The following ZNF519 variants were observed in gnomAD, a reference collection of about 807,000 sequenced individuals.
The protein encoded by ZNF519 is zinc finger protein 519, also known as similar to Zinc finger protein 85 (Zinc finger protein HPF4) (HTF1).
In ZNF519, 7 loss-of-function variants were observed where a neutral mutation model predicts 7.4. That is an observed-to-expected ratio of 0.94 (90% confidence interval 0.54 to 1.77). The LOEUF is 1.77. Ranked by LOEUF, ZNF519 falls within the 40% of genes most tolerant of loss-of-function variation. The pLI, the probability that ZNF519 is intolerant of heterozygous loss-of-function variation, is 0.00. For synonymous variants in ZNF519, 179 were observed against 203.3 expected, an observed-to-expected ratio of 0.88 and a Z score of 1.02; for missense variants, 586 against 623.1, an observed-to-expected ratio of 0.94 and a Z score of 0.63.
intron 2 of ZNF519, among the ~76,000 whole-genome samples, chr18:14,112,052 A>C (rs779455893): frequency 6.6e-6 from 1 of 152,180 alleles, no homozygotes; most frequent in Non-Finnish European, 1.5e-5. Context: ...TATTAAAAAG[A>C]TTATTATAGA....
chr18:14,088,771 T>A (rs1026159304), intron 2 of ZNF519, among the ~76,000 whole-genome samples: 10 of 152,310 alleles, frequency 6.6e-5, no homozygotes, highest in Admixed American at 5.9e-4. Flanking sequence ...TTATTTTAAA[T>A]GTGATTGCAG....
rs1258048291 is a variant in ZNF519, at chr18:14,104,649, C to T, written c.*268G>A. 1.5e-5 allele frequency: 5 copies of T among 324,460 alleles called. No homozygotes were observed. Among genetic ancestry groups the T allele is most frequent in the East Asian group, 5.1e-5 (1 of 19,504 alleles). 20.1% of individuals were successfully genotyped at this position (324,460 alleles called of 1,614,324 possible). On this transcript the variant is annotated 3_prime_UTR_variant, in exon 3 of 3. Coordinates refer to ENST00000590202, the MANE Select transcript of ZNF519 (RefSeq NM_145287.4). ...TATAATTATGCCTCTCCATCAATGTCGTCCCTCTTTTTAAACATACAATTT... is the reference window on the plus strand; with the variant it reads ...TATAATTATGCCTCTCCATCAATGTTGTCCCTCTTTTTAAACATACAATTT...
chr18:14,101,938 T>C lies in ZNF519; in HGVS notation c.*2979A>G, dbSNP rs2046164137. The C allele has an allele frequency of 2.5e-6, 1 of 392,872 alleles. No individual in the cohort carries two copies. The highest frequency in any genetic ancestry group is 2.1e-5 in the African/African-American group (1 of 48,490). The allele number at this position is 392,872 out of a possible 1,614,324, so 24.3% of individuals were successfully genotyped here. ...TCCTAAATGCATGAAAGGCAGAGCT[T>C]TTCAACATGAATAATTTTAAGACAT... On this transcript the variant is annotated 3_prime_UTR_variant, in exon 3 of 3. Coordinates refer to ENST00000590202, the MANE Select transcript of ZNF519 (RefSeq NM_145287.4).
Position 14,104,878 on chromosome 18 carries a change from G to C in ZNF519, c.*39C>G. On this transcript the variant is annotated 3_prime_UTR_variant, in exon 3 of 3. Transcript: ENST00000590202. The stretch of plus-strand genomic sequence containing the variant: ...AATGTTGAGTAAGGTGTGAGCACCA[G>C]TTTAGGGTTTTAGCACATTCTTTAC... 11 of 1,495,704 alleles carry C rather than the reference G, an allele frequency of 7.4e-6. No homozygotes were observed. The highest frequency in any genetic ancestry group is 9.8e-6 in the Non-Finnish European group (11 of 1,122,934). The allele number at this position is 1,495,704 out of a possible 1,614,324, so 92.7% of individuals were successfully genotyped here.
At chr18:14,085,489 C>A (rs1008150115) in intron 2 of ZNF519, among the ~76,000 whole-genome samples, 3 of 152,030 alleles carry the variant, frequency 2.0e-5, no homozygotes, top group African/African-American at 7.3e-5. Flanking sequence ...CTCCAGTGAT[C>A]ATCTCCCCCA....
rs1036734011 is a variant in ZNF519, at chr18:14,104,123, T to C, written c.*794A>G. 8 of 152,314 alleles carry C rather than the reference T, an allele frequency of 5.3e-5. 1 individual carries two copies. Among genetic ancestry groups the C allele is most frequent in the Admixed American group, 5.2e-4 (8 of 15,298 alleles). 9.4% of individuals were successfully genotyped at this position (152,314 alleles called of 1,614,324 possible). On this transcript the variant is annotated 3_prime_UTR_variant, in exon 3 of 3. Coordinates refer to ENST00000590202, the MANE Select transcript of ZNF519 (RefSeq NM_145287.4). Reference sequence around the variant, plus strand: ...AGTTATTTGCACCACTCTCTGATATTTGTGATTTCTTTATTGTTATCACAG... The same window carrying C: ...AGTTATTTGCACCACTCTCTGATATCTGTGATTTCTTTATTGTTATCACAG...
downstream of ZNF519, among the ~76,000 whole-genome samples, chr18:14,099,607 A>G (rs1007288598): frequency 2.6e-5 from 4 of 152,206 alleles, no homozygotes; most frequent in African/African-American, 9.7e-5. Context: ...TGTTCATCCT[A>G]AAGACATTAC....
At chr18:14,095,227 G>A (rs1158077640), downstream of ZNF519, among the ~76,000 whole-genome samples, 1 of 152,172 alleles carries the variant, frequency 6.6e-6, no homozygotes, top group Non-Finnish European at 1.5e-5. Context: ...TTTTTGCCTG[G>A]AGACAGGGAA....
chr18:14,114,382 T>C lies in ZNF519; in HGVS notation c.131-7973A>G, dbSNP rs548463843. 2.9e-4 allele frequency among the ~76,000 whole-genome samples: 44 copies of C among 152,322 alleles called. 1 individual carries two copies. The highest frequency in any genetic ancestry group is 1.1e-3 in the African/African-American group (44 of 41,566). On this transcript the variant is annotated intron_variant, in intron 2 of 2. Coordinates refer to ENST00000590202, the MANE Select transcript of ZNF519 (RefSeq NM_145287.4). The stretch of plus-strand genomic sequence containing the variant: ...GATATTTAGTTTCTGTAGCATAATT[T>C]AGACAATAAATTCCTTTCCTCAATA...
intron 1 of ZNF519, among the ~76,000 whole-genome samples, chr18:14,125,529 GAAT>G (rs1215190050): frequency 3.9e-5 from 6 of 152,062 alleles, no homozygotes; most frequent in Admixed American, 1.3e-4. Flanking sequence ...AAAATGTATA[GAAT>G]AATAGCTCAT....
chr18:14,115,670 A>C (rs2046242963), intron 2 of ZNF519, among the ~76,000 whole-genome samples: 1 of 152,218 alleles, frequency 6.6e-6, no homozygotes, highest in Admixed American at 6.5e-5. Context: ...GGAAAGAACC[A>C]ACTTAATAAA....
chr18:14,071,248 C>T (rs186252805), downstream of ZNF519: 9 of 151,904 alleles, frequency 5.9e-5, no homozygotes, highest in East Asian at 5.8e-4. Context: ...GTTAAATATT[C>T]GGGGGGAAAA....
At chr18:14,110,346 T>C (rs2046213925) in intron 2 of ZNF519, among the ~76,000 whole-genome samples, 9 of 151,978 alleles carry the variant, frequency 5.9e-5, no homozygotes. Context: ...CATAAACAAA[T>C]GGGACCTTAT....
rs552770265 is a variant in ZNF519 at position 14,091,506 on chromosome 18, G to A, written c.131-6430C>T. On this transcript the variant is annotated intron_variant and NMD_transcript_variant, in intron 2 of 4. Transcript: ENST00000587419. ...AAGAGAAGCAGCAAGTGACTTTTGA[G>A]TACAAAGAGTGGGGGTACAGGAGTA... 5.3e-5 allele frequency among the ~76,000 whole-genome samples: 8 copies of A among 152,226 alleles called. No individual in the cohort carries two copies. The South Asian group carries it at 8.3e-4, about 16-fold the overall frequency.
chr18:14,107,685 A>G (rs10221283), intron 2 of ZNF519, among the ~76,000 whole-genome samples: 36,858 of 151,950 alleles, frequency 0.24, 4,957 homozygotes, highest in African/African-American at 0.33. Context: ...CGCTGAGACA[A>G]AAGGGACACC....
Position 14,100,667 on chromosome 18 carries a change from G to C in ZNF519, c.*4250C>G, listed in dbSNP as rs747473170. The stretch of plus-strand genomic sequence containing the variant: ...TAATGGTTTCAAAGAATCAGAATCA[G>C]AGTGGGTATGGTGGGGAGAAGGGAA... On this transcript the variant is annotated 3_prime_UTR_variant, in exon 3 of 3. Transcript: ENST00000590202. The C allele has an allele frequency of 2.0e-5, 3 of 152,236 alleles. No homozygotes were observed. Among genetic ancestry groups the C allele is most frequent in the Non-Finnish European group, 2.9e-5 (2 of 68,040 alleles). 9.4% of individuals were successfully genotyped at this position (152,236 alleles called of 1,614,324 possible).
In ZNF519 at chr18:14,101,535, C is replaced by T. The variant is rs2046161230; in HGVS notation, c.*3382G>A. 7.6e-6 allele frequency: 3 copies of T among 396,950 alleles called. No individual in the cohort carries two copies. The highest frequency in any genetic ancestry group is 4.4e-6 in the Non-Finnish European group (1 of 225,622). The allele number at this position is 396,950 out of a possible 1,614,324, so 24.6% of individuals were successfully genotyped here. A position where few individuals can be genotyped will look rare whatever the true frequency, so the allele number is the denominator to read the frequency against. ...AAGGAAGGAAACAGACTCAGGGTCC[C>T]TTGGATTAAAACTGTGGGTCACTCA... is the stretch of plus-strand genomic sequence containing the variant. On this transcript the variant is annotated 3_prime_UTR_variant, in exon 3 of 3. Coordinates refer to ENST00000590202, the MANE Select transcript of ZNF519 (RefSeq NM_145287.4).
intron 2 of ZNF519, among the ~76,000 whole-genome samples, chr18:14,116,291 A>T (rs1237702615): frequency 1.3e-5 from 2 of 152,182 alleles, no homozygotes; most frequent in African/African-American, 4.8e-5. Context: ...AATCCAAAAG[A>T]TATTTTTTGA....
downstream of ZNF519, chr18:14,073,697 G>C (rs1354898979): frequency 6.6e-6 from 1 of 152,122 alleles, no homozygotes; most frequent in Non-Finnish European, 1.5e-5. Flanking sequence ...CTCTGTTTTT[G>C]AAATTCATGA....
Sources: gnomAD v4.1 joint callset for allele counts (sites outside exome capture counted in the v4.1 genomes callset) on GRCh38, gnomAD v4.1.1 for gene constraint, MANE v1.5 for transcripts, NCBI Gene and HGNC (gene_info 2026-07-23, HGNC 2026-07-21) for gene names.